The following HSD17B2 variants were observed in gnomAD, a reference collection of about 807,000 sequenced individuals.
The protein encoded by HSD17B2 is hydroxysteroid 17-beta dehydrogenase 2.
Under a neutral mutation model 26.9 loss-of-function variants are expected in HSD17B2, and 32 were observed. The observed-to-expected ratio is 1.19, with a 90% CI of 0.90 to 1.60. The LOEUF (loss-of-function observed/expected upper bound fraction) is 1.60, where lower values mean the gene tolerates loss of function less well. Ranked by LOEUF, HSD17B2 falls within the 40% of genes most tolerant of loss-of-function variation. The pLI is 0.00. For missense variants in HSD17B2, 613 were observed against 468.6 expected (o/e 1.31, Z -2.85); for synonymous variants, 246 against 186.7 (o/e 1.32, Z -2.59).
Position 82,098,418 on chromosome 16 carries a change from C to A in HSD17B2, c.1146C>A (p.Tyr382Ter). ...PMPRALRMPN[Y>*]KKKAT ...CCAGAGCTCTAAGAATGCCTAACTA[C>A]AAGAAAAAGGCCACCTAGGCAATGG... The change falls in exon 5 of 5, where the codon TAC becomes TAA. Residue 382 changes from tyrosine to a stop codon, truncating the protein, a stop_gained. Coordinates refer to ENST00000199936, the MANE Select transcript of HSD17B2 (RefSeq NM_002153.3). LOFTEE classifies it high-confidence loss of function. The A allele has an allele frequency of 6.2e-7, 1 of 1,602,262 alleles. No homozygotes were observed. The highest frequency in any genetic ancestry group is 8.5e-7 in the Non-Finnish European group (1 of 1,173,866).
intron 3 of HSD17B2, among the ~76,000 whole-genome samples, chr16:82,087,857 G>C (rs555251067): frequency 6.6e-6 from 1 of 152,032 alleles, no homozygotes; most frequent in Admixed American, 6.6e-5. Context: ...GAGAGCGAAA[G>C]GGGGCCAAAA....
chr16:82,093,932 T>C (rs1904765303), intron 4 of HSD17B2: 1 of 152,192 alleles, frequency 6.6e-6, no homozygotes, highest in South Asian at 2.1e-4. Context: ...CTTCTGGACA[T>C]TGCCATGGCA....
chr16:82,095,340 A>T (rs72547405), intron 4 of HSD17B2: 3 of 152,310 alleles, frequency 2.0e-5, no homozygotes, highest in African/African-American at 7.2e-5. Context: ...TTGCATTTCC[A>T]TAAGTATAAT....
At chr16:82,084,082 T>C (rs568899889) in intron 3 of HSD17B2, among the ~76,000 whole-genome samples, 2 of 152,244 alleles carry the variant, frequency 1.3e-5, no homozygotes, top group East Asian at 1.9e-4. Flanking sequence ...GCCTCAGAGA[T>C]TTTGTGTCAT....
intron 1 of HSD17B2, among the ~76,000 whole-genome samples, chr16:82,051,645 G>A (rs768462799): frequency 6.6e-6 from 1 of 152,168 alleles, no homozygotes; most frequent in Non-Finnish European, 1.5e-5. Flanking sequence ...AGGGTGACGA[G>A]TTGATAGGTG....
In HSD17B2 at chr16:82,075,375, AAAG is replaced by A. The variant is rs552622843; in HGVS notation, c.664+4256_664+4258del. Among the ~76,000 whole-genome samples the A allele has an allele frequency of 2.6e-3, 396 of 152,250 alleles. 1 individual carries two copies. Among genetic ancestry groups the A allele is most frequent in the African/African-American group, 9.2e-3 (383 of 41,574 alleles). On this transcript the variant is annotated intron_variant, in intron 3 of 4. Transcript: ENST00000199936. Reference sequence around the variant, plus strand: ...TTAGAGCAGAAATAAATAAAATTGAAAAGAAGAAGACAATACAAAAGATCAGCA... The same window carrying A: ...TTAGAGCAGAAATAAATAAAATTGAAAAGAAGACAATACAAAAGATCAGCA...
At chr16:82,063,871 G>A (rs551739439) in intron 1 of HSD17B2, among the ~76,000 whole-genome samples, 11 of 152,250 alleles carry the variant, frequency 7.2e-5, no homozygotes, top group Admixed American at 2.0e-4. Context: ...ACTTTGTTCC[G>A]ACTGACCAGT....
intron 3 of HSD17B2, among the ~76,000 whole-genome samples, chr16:82,089,088 C>T (rs752298246): frequency 2.6e-5 from 4 of 152,150 alleles, no homozygotes; most frequent in Non-Finnish European, 5.9e-5. Context: ...GGGGTTAGGG[C>T]TTCAAAATAC....
At chr16:82,088,004 TGGAG>T (rs896662376) in intron 3 of HSD17B2, among the ~76,000 whole-genome samples, 1 of 152,170 alleles carries the variant, frequency 6.6e-6, no homozygotes, top group African/African-American at 2.4e-5. Context: ...CATACGCTTT[TGGAG>T]GGACACATTC....
At chr16:82,040,142 A>C (rs781227448) in intron 1 of HSD17B2, among the ~76,000 whole-genome samples, 2 of 152,238 alleles carry the variant, frequency 1.3e-5, no homozygotes, top group African/African-American at 2.4e-5. Context: ...CAGGAGGAGA[A>C]GTAAGATCTG....
chr16:82,048,478 T>G (rs138917061), intron 1 of HSD17B2, among the ~76,000 whole-genome samples: 46 of 152,222 alleles, frequency 3.0e-4, no homozygotes, highest in Admixed American at 7.8e-4. Context: ...TTGAGAATTT[T>G]GGTGGAAAAG....
chr16:82,043,684 C>CAA (rs398030034), intron 1 of HSD17B2, among the ~76,000 whole-genome samples: 3,965 of 22,542 alleles, frequency 0.18, 850 homozygotes, highest in Middle Eastern at 0.32. Flanking sequence ...AACTCTGTCT[C>CAA]AAAAAAAAAA....
intron 3 of HSD17B2, chr16:82,071,572 T>A: frequency 3.3e-6 from 1 of 301,714 alleles, no homozygotes; most frequent in South Asian, 3.2e-5. Context: ...CCTGCTATTG[T>A]TAACCCGAAG....
chr16:82,073,373 C>CG (rs1567588287), intron 3 of HSD17B2, among the ~76,000 whole-genome samples: 2 of 151,960 alleles, frequency 1.3e-5, no homozygotes. Context: ...TACAGACGCC[C>CG]CCACCACACC....
rs539584793 is a variant in HSD17B2, at chr16:82,089,593, A to T, written c.665-1309A>T. ...AACGGAGTGGCTTAAAACATCAGAAATTTTTTCTTTCGTAGTTCTGGAGGC... is the reference window on the plus strand; with the variant it reads ...AACGGAGTGGCTTAAAACATCAGAATTTTTTTCTTTCGTAGTTCTGGAGGC... On this transcript the variant is annotated intron_variant, in intron 3 of 4. Transcript: ENST00000199936. Among the ~76,000 whole-genome samples, 6 of 152,062 alleles carry T rather than the reference A, an allele frequency of 3.9e-5. No individual in the cohort carries two copies. The South Asian group carries it at 1.2e-3, about 32-fold the overall frequency.
chr16:82,038,267 T>C (rs979321195), intron 1 of HSD17B2, among the ~76,000 whole-genome samples: 1 of 152,254 alleles, frequency 6.6e-6, no homozygotes, highest in African/African-American at 2.4e-5. Context: ...AGTGTTTGAA[T>C]ACATATTTGT....
chr16:82,061,592 T>C (rs1322356149), intron 1 of HSD17B2, among the ~76,000 whole-genome samples: 1 of 152,182 alleles, frequency 6.6e-6, no homozygotes, highest in African/African-American at 2.4e-5. Context: ...TTGAAGACTA[T>C]GTAGAAATAT....
In HSD17B2 at chr16:82,057,980, G is replaced by C. The variant is rs112943334; in HGVS notation, c.266-10190G>C. On this transcript the variant is annotated intron_variant, in intron 1 of 4. Coordinates refer to ENST00000199936, the MANE Select transcript of HSD17B2 (RefSeq NM_002153.3). ...AGTAACGCAATGTGAATAAAGTATAGAATTTAGTTAATAATAATGTATCAA... is the reference window on the plus strand; with the variant it reads ...AGTAACGCAATGTGAATAAAGTATACAATTTAGTTAATAATAATGTATCAA... 4.0e-5 allele frequency among the ~76,000 whole-genome samples: 6 copies of C among 151,738 alleles called. 1 individual carries two copies. Among genetic ancestry groups the C allele is most frequent in the African/African-American group, 1.4e-4 (6 of 41,416 alleles).
At chr16:82,051,549 C>G (rs913944097) in intron 1 of HSD17B2, among the ~76,000 whole-genome samples, 2 of 151,220 alleles carry the variant, frequency 1.3e-5, no homozygotes, top group Non-Finnish European at 2.9e-5. Context: ...AGTAACAGCA[C>G]ACATCGGGGC....
Sources: gnomAD v4.1 joint callset for allele counts (sites outside exome capture counted in the v4.1 genomes callset) on GRCh38, gnomAD v4.1.1 for gene constraint, MANE v1.5 for transcripts, NCBI Gene and HGNC (gene_info 2026-07-23, HGNC 2026-07-21) for gene names.